Variants in KCNIP4 observed in about 807,000 individuals in gnomAD.
KCNIP4 encodes Kv channel-interacting protein 4.
A neutral mutation model predicts 34.0 loss-of-function variants in KCNIP4; 12 were observed. The observed-to-expected ratio is 0.35, with a 90% confidence interval of 0.23 to 0.57. The LOEUF (loss-of-function observed/expected upper bound fraction) is 0.57, where lower values mean the gene tolerates loss of function less well. KCNIP4 is among the 20% of genes least tolerant of loss of function. The pLI is 0.83. For synonymous variants in KCNIP4, 124 were observed against 102.2 expected (o/e 1.21, Z -1.29); for missense variants, 238 against 311.7 (o/e 0.76, Z 1.78).
At chr4:21,484,324 G>T (rs542179848) in intron 1 of KCNIP4, among the ~76,000 whole-genome samples, 14 of 152,196 alleles carry the variant, frequency 9.2e-5, no homozygotes, top group African/African-American at 3.1e-4. Flanking sequence ...CTACTCAGGA[G>T]GCTGAGGCAG....
rs558986536 is a variant in KCNIP4 at position 21,085,617 on chromosome 4, C to T, written c.62-202908G>A. Among the ~76,000 whole-genome samples, 3 of 152,296 alleles carry T rather than the reference C, an allele frequency of 2.0e-5. No homozygotes were observed. In the South Asian group the frequency reaches 6.2e-4, roughly 32 times the overall value. ...CAATTCTGGTTGGTCAAGGCTGCTGCTCTATCTGATTAGTTGGTTTGGGTT... is the reference window on the plus strand; with the variant it reads ...CAATTCTGGTTGGTCAAGGCTGCTGTTCTATCTGATTAGTTGGTTTGGGTT... On this transcript the variant is annotated intron_variant, in intron 1 of 8. Transcript: ENST00000382152.
intron 1 of KCNIP4, among the ~76,000 whole-genome samples, chr4:21,323,534 G>C (rs1714719014): frequency 6.6e-6 from 1 of 151,854 alleles, no homozygotes; most frequent in South Asian, 2.1e-4. Flanking sequence ...TCTGTGCCTG[G>C]CTTATTTCAC....
chr4:21,742,552 G>T (rs1422235048), intron 1 of KCNIP4, among the ~76,000 whole-genome samples: 2 of 152,140 alleles, frequency 1.3e-5, no homozygotes, highest in Non-Finnish European at 2.9e-5. Flanking sequence ...AGCATTTCAA[G>T]TTCCAATTAC....
intron 1 of KCNIP4, among the ~76,000 whole-genome samples, chr4:21,759,617 C>T (rs1284656968): frequency 6.6e-6 from 1 of 152,100 alleles, no homozygotes; most frequent in Non-Finnish European, 1.5e-5. Flanking sequence ...TCTGGGAAGT[C>T]ATTTCTATAC....
intron 1 of KCNIP4, among the ~76,000 whole-genome samples, chr4:21,518,178 C>A (rs1027167314): frequency 6.6e-6 from 1 of 152,232 alleles, no homozygotes; most frequent in Middle Eastern, 3.4e-3. Context: ...GTACACACAC[C>A]CCCTACTCCA....
intron 1 of KCNIP4, among the ~76,000 whole-genome samples, chr4:20,936,485 C>G (rs756953093): frequency 9.9e-5 from 15 of 151,756 alleles, no homozygotes; most frequent in Non-Finnish European, 1.8e-4. Context: ...CTATATTACT[C>G]TATTTATAAA....
At chr4:21,138,646 C>G (rs1751701605) in intron 1 of KCNIP4, among the ~76,000 whole-genome samples, 1 of 151,812 alleles carries the variant, frequency 6.6e-6, no homozygotes, top group Non-Finnish European at 1.5e-5. Flanking sequence ...AACTTACATA[C>G]TAAAAGGGAC....
intron 1 of KCNIP4, among the ~76,000 whole-genome samples, chr4:21,154,868 G>A (rs1753035253): frequency 6.6e-6 from 1 of 152,108 alleles, no homozygotes; most frequent in South Asian, 2.1e-4. Flanking sequence ...AGCTGTGTTT[G>A]ACCATGAGCT....
At chr4:21,756,157 A>G (rs748987393) in intron 1 of KCNIP4, among the ~76,000 whole-genome samples, 3 of 152,232 alleles carry the variant, frequency 2.0e-5, no homozygotes, top group Non-Finnish European at 4.4e-5. Flanking sequence ...AAAGAAATGC[A>G]GATACATTTC....
chr4:20,970,937 G>A (rs1311759678), intron 1 of KCNIP4, among the ~76,000 whole-genome samples: 1 of 152,134 alleles, frequency 6.6e-6, no homozygotes, highest in Non-Finnish European at 1.5e-5. Flanking sequence ...TAGACATCAA[G>A]TGTTTAATGC....
At chr4:21,787,149 C>G (rs1034644757) in intron 1 of KCNIP4, among the ~76,000 whole-genome samples, 10 of 152,164 alleles carry the variant, frequency 6.6e-5, no homozygotes, top group African/African-American at 2.4e-4. Context: ...GTTTCATGCA[C>G]AAAATTATTT....
At chr4:21,663,228 C>T (rs1748579669) in intron 1 of KCNIP4, among the ~76,000 whole-genome samples, 1 of 152,166 alleles carries the variant, frequency 6.6e-6, no homozygotes, top group Non-Finnish European at 1.5e-5. Context: ...AAATGGATGA[C>T]ATTACTTAAA....
intron 1 of KCNIP4, among the ~76,000 whole-genome samples, chr4:21,854,723 T>C (rs1462552591): frequency 6.6e-6 from 1 of 152,222 alleles, no homozygotes; most frequent in Admixed American, 6.5e-5. Flanking sequence ...GCGATTGTGT[T>C]GAGCCTTGAC....
chr4:21,028,839 C>T (rs572889713), intron 1 of KCNIP4, among the ~76,000 whole-genome samples: 1 of 152,236 alleles, frequency 6.6e-6, no homozygotes, highest in Admixed American at 6.5e-5. Context: ...GATAGAGATT[C>T]TATATGATGG....
intron 1 of KCNIP4, among the ~76,000 whole-genome samples, chr4:21,629,679 G>A (rs968204032): frequency 3.3e-5 from 5 of 152,012 alleles, no homozygotes; most frequent in African/African-American, 1.2e-4. Context: ...TTCAAATTCA[G>A]AAACAACCTG....
At chr4:21,023,556 A>G (rs1418631113) in intron 1 of KCNIP4, among the ~76,000 whole-genome samples, 3 of 152,208 alleles carry the variant, frequency 2.0e-5, no homozygotes, top group Non-Finnish European at 4.4e-5. Context: ...AATGACCAAT[A>G]TGCACCTAAA....
In KCNIP4 at chr4:21,431,090, A is replaced by T. The variant is rs185549815; in HGVS notation, c.61+517481T>A. 7.9e-5 allele frequency among the ~76,000 whole-genome samples: 12 copies of T among 152,162 alleles called. No individual in the cohort carries two copies. The East Asian group carries it at 1.5e-3, about 20-fold the overall frequency. ...TGGAGGCTGAGGTTGATTGTCACAA[A>T]CTTGCCATGAGCATTTCTTCAATAA... On this transcript the variant is annotated intron_variant, in intron 1 of 8. Transcript: ENST00000382152.
chr4:21,556,393 C>CT (rs1318400537), intron 1 of KCNIP4, among the ~76,000 whole-genome samples: 1 of 152,102 alleles, frequency 6.6e-6, no homozygotes, highest in Non-Finnish European at 1.5e-5. Flanking sequence ...CAGTTGATTA[C>CT]TTTTCAGAGA....
intron 8 of KCNIP4, chr4:20,731,438 T>C (rs2149258517): frequency 1.0e-6 from 1 of 985,348 alleles, no homozygotes; most frequent in Non-Finnish European, 1.2e-6. Context: ...AAGCTAACAC[T>C]GGTTTCTTTG....
Sources: gnomAD v4.1 joint callset for allele counts (sites outside exome capture counted in the v4.1 genomes callset) on GRCh38, gnomAD v4.1.1 for gene constraint, MANE v1.5 for transcripts, NCBI Gene and HGNC (gene_info 2026-07-23, HGNC 2026-07-21) for gene names.